The following PDE8B variants were observed in gnomAD, a reference collection of about 807,000 sequenced individuals.
PDE8B encodes the protein phosphodiesterase 8B, also known as high affinity cAMP-specific and IBMX-insensitive 3',5'-cyclic phosphodiesterase 8B.
PDE8B carries 26 observed loss-of-function variants against 101.3 expected under a neutral mutation model. The observed-to-expected ratio is 0.26, with a 90% CI of 0.19 to 0.36. PDE8B has a LOEUF of 0.36. Ranked by LOEUF, PDE8B falls within the 10% of genes least tolerant of loss-of-function variation. The pLI, the probability that PDE8B is intolerant of heterozygous loss-of-function variation, is 1.00. For missense variants in PDE8B, 810 were observed against 1,163.1 expected (o/e 0.70, Z 4.42); for synonymous variants, 424 against 429.3 (o/e 0.99, Z 0.15).
chr5:77,203,611 T>C, the PDE8B span, among the ~76,000 whole-genome samples: 2 of 152,200 alleles, frequency 1.3e-5, no homozygotes, highest in African/African-American at 4.8e-5. Flanking sequence ...AAACTTTCAT[T>C]GTCCTACCCC....
chr5:77,413,012 C>A, intron 16 of PDE8B, 99 bp from the exon 17 acceptor site: 1 of 946,622 alleles, frequency 1.1e-6, no homozygotes, highest in Non-Finnish European at 1.7e-6. Flanking sequence ...GTGAAGCTAT[C>A]ATCAGAAGAA....
Position 77,291,577 on chromosome 5 carries a change from G to A in PDE8B, c.340-20417G>A, listed in dbSNP as rs974311860. ...AGTAGCAACTTTACCAAAGATCTGG[G>A]CAGAATCTTTCGCTGGCTTGGACCT... On this transcript the variant is annotated intron_variant, in intron 1 of 21. Transcript: ENST00000264917. The A allele has an allele frequency of 1.9e-6, 3 of 1,597,728 alleles. No individual in the cohort carries two copies. In the African/African-American group the frequency reaches 4.0e-5, roughly 21 times the overall value.
the PDE8B span, among the ~76,000 whole-genome samples, chr5:77,153,110 G>A: frequency 2.0e-5 from 3 of 152,144 alleles, no homozygotes; most frequent in Non-Finnish European, 4.4e-5. Flanking sequence ...CAGGGATGCT[G>A]CTGAGCATCC....
intron 20 of PDE8B, among the ~76,000 whole-genome samples, chr5:77,424,919 G>A (rs1489505074): frequency 6.6e-6 from 1 of 151,650 alleles, no homozygotes; most frequent in Non-Finnish European, 1.5e-5. Context: ...AAAACTCCAG[G>A]CCCCAAGCGA....
chr5:77,123,189 A>C, the PDE8B span, among the ~76,000 whole-genome samples: 11 of 152,130 alleles, frequency 7.2e-5, no homozygotes, highest in East Asian at 2.1e-3. Context: ...GGGCCTTCCT[A>C]TTGGTAGGCA....
intron 1 of PDE8B, among the ~76,000 whole-genome samples, chr5:77,250,811 C>G (rs1327760236): frequency 6.6e-6 from 1 of 152,178 alleles, no homozygotes; most frequent in African/African-American, 2.4e-5. Flanking sequence ...CCGCCAAGGT[C>G]CCTCTTCTCA....
Position 77,374,890 on chromosome 5 carries a change from GC to G in PDE8B, c.1167+21486del, listed in dbSNP as rs142564601. 6.0e-3 allele frequency among the ~76,000 whole-genome samples: 913 copies of G among 152,232 alleles called. 8 individuals carry two copies. Among genetic ancestry groups the G allele is most frequent in the African/African-American group, 0.021 (862 of 41,518 alleles). On this transcript the variant is annotated intron_variant, in intron 10 of 21. Transcript: ENST00000264917. ...TTTGGGCAAATCCCCTAAGGACTTG[GC>G]CTCAGCTGTCTCCCTCTGTAGCAGG...
At chr5:77,316,440 G>T (rs1162760178) in intron 2 of PDE8B, among the ~76,000 whole-genome samples, 2 of 152,118 alleles carry the variant, frequency 1.3e-5, no homozygotes, top group Non-Finnish European at 2.9e-5. Context: ...CACCATATTG[G>T]CCAGGCTGGT....
chr5:77,377,841 A>G (rs1225305364), intron 10 of PDE8B, among the ~76,000 whole-genome samples: 1 of 152,172 alleles, frequency 6.6e-6, no homozygotes. Flanking sequence ...TTCCCCTGAC[A>G]TCGGTGCTCC....
chr5:77,400,995 G>A (rs1792148983), intron 11 of PDE8B, among the ~76,000 whole-genome samples: 1 of 152,130 alleles, frequency 6.6e-6, no homozygotes, highest in Admixed American at 6.5e-5. Flanking sequence ...TAGGCTAAGT[G>A]TTTAGTCTCT....
chr5:77,108,676 C>G, the PDE8B span, among the ~76,000 whole-genome samples: 5 of 152,104 alleles, frequency 3.3e-5, no homozygotes, highest in South Asian at 1.0e-3. Flanking sequence ...AAGCGAGACT[C>G]TGTCTCAAAA....
At chr5:77,192,158 C>T in the PDE8B span, among the ~76,000 whole-genome samples, 16 of 152,286 alleles carry the variant, frequency 1.1e-4, no homozygotes, top group Admixed American at 2.0e-4. Flanking sequence ...CAACAGGCCA[C>T]GGACTGGTAT....
the PDE8B span, among the ~76,000 whole-genome samples, chr5:77,117,945 T>G: frequency 2.0e-5 from 3 of 152,100 alleles, no homozygotes; most frequent in African/African-American, 4.8e-5. Context: ...TGGTGGTGGT[T>G]GTTTTTTGAG....
At chr5:77,380,055 A>G (rs1787157954) in intron 10 of PDE8B, among the ~76,000 whole-genome samples, 2 of 152,218 alleles carry the variant, frequency 1.3e-5, no homozygotes, top group African/African-American at 2.4e-5. Context: ...AGCTACAGTG[A>G]TTATTTAAGT....
At chr5:77,384,934 C>A (rs1270069845) in intron 10 of PDE8B, among the ~76,000 whole-genome samples, 1 of 152,058 alleles carries the variant, frequency 6.6e-6, no homozygotes, top group East Asian at 1.9e-4. Flanking sequence ...CTGAAATTTT[C>A]TTTTTTTGTT....
the PDE8B span, among the ~76,000 whole-genome samples, chr5:77,198,638 T>C: frequency 6.6e-6 from 1 of 152,188 alleles, no homozygotes; most frequent in Non-Finnish European, 1.5e-5. Flanking sequence ...TGAATTATAG[T>C]CCTGAGCCAC....
chr5:77,169,981 A>G, the PDE8B span, among the ~76,000 whole-genome samples: 1 of 152,158 alleles, frequency 6.6e-6, no homozygotes, highest in Non-Finnish European at 1.5e-5. Context: ...AGCTATACGA[A>G]GACATGTTCC....
At chr5:77,189,108 C>T in the PDE8B span, among the ~76,000 whole-genome samples, 1 of 152,202 alleles carries the variant, frequency 6.6e-6, no homozygotes. Flanking sequence ...ATTCACACCC[C>T]CTCTTCCCCA....
Position 77,211,106 on chromosome 5 carries a change from C to G in PDE8B, c.181C>G (p.Pro61Ala). 6 of 1,493,018 alleles carry G rather than the reference C, an allele frequency of 4.0e-6. No individual in the cohort carries two copies. Among genetic ancestry groups the G allele is most frequent in the Non-Finnish European group, 5.3e-6 (6 of 1,127,942 alleles). 92.5% of individuals were successfully genotyped at this position (1,493,018 alleles called of 1,614,324 possible). A position where few individuals can be genotyped will look rare whatever the true frequency, so the allele number is the denominator to read the frequency against. ...CATCCCCCCGAGCCGCGCGTCGGGACCCCCCAGCGTAGCCCGCGTCCGCAG... is the reference window on the plus strand; with the variant it reads ...CATCCCCCCGAGCCGCGCGTCGGGAGCCCCCAGCGTAGCCCGCGTCCGCAG... ...DAIPPSRASG[P>A]PSVARVRRAR... The change falls in exon 1 of 22, where the codon CCC becomes GCC. Residue 61 changes from proline to alanine, a missense_variant. This residue lies in a region of PDE8B where 159 missense variants were observed against 146.6 expected (regional missense o/e 1.08). Coordinates refer to ENST00000264917, the MANE Select transcript of PDE8B (RefSeq NM_003719.5). This position sits in a 1 kb window ranked among gnomAD's most constrained non-coding sequence, Gnocchi z 4.1.
Sources: allele counts gnomAD v4.1 joint callset (sites outside exome capture counted in the v4.1 genomes callset), GRCh38; gene constraint gnomAD v4.1.1; regional missense constraint gnomAD v4.1.1; non-coding constraint Gnocchi (gnomAD v3.1); transcripts MANE v1.5; gene names NCBI Gene and HGNC (gene_info 2026-07-23, HGNC 2026-07-21).